PDE4B: variants seen among roughly 807,000 people sequenced by gnomAD.
PDE4B encodes 3',5'-cyclic-AMP phosphodiesterase 4B.
Under a neutral mutation model 82.2 loss-of-function variants are expected in PDE4B, and 20 were observed. The observed-to-expected ratio is 0.24, with a 90% CI of 0.17 to 0.35. The LOEUF (loss-of-function observed/expected upper bound fraction) is 0.35. Ranked by LOEUF, PDE4B falls within the 10% of genes least tolerant of loss-of-function variation. PDE4B has a pLI of 1.00. For synonymous variants in PDE4B, 320 were observed against 318.9 expected, an observed-to-expected ratio of 1.00 and a Z score of -0.04; for missense variants, 655 against 907.2, an observed-to-expected ratio of 0.72 and a Z score of 3.57.
At chr1:65,867,147 T>G (rs1646521211) in intron 1 of PDE4B, among the ~76,000 whole-genome samples, 1 of 152,188 alleles carries the variant, frequency 6.6e-6, no homozygotes, top group South Asian at 2.1e-4. Flanking sequence ...TAGTATTCTC[T>G]TTAGTGTGGA....
At chr1:65,798,856 G>T (rs1645664216) in intron 1 of PDE4B, among the ~76,000 whole-genome samples, 1 of 151,942 alleles carries the variant, frequency 6.6e-6, no homozygotes, top group South Asian at 2.1e-4. Context: ...TACCCTGTCT[G>T]TAGAGTCTAA....
At chr1:66,356,608 G>A (rs1024501419) in intron 9 of PDE4B, among the ~76,000 whole-genome samples, 1 of 152,194 alleles carries the variant, frequency 6.6e-6, no homozygotes, top group Non-Finnish European at 1.5e-5. Flanking sequence ...TTAAATCAAT[G>A]AGCATTTTCC....
rs115131003 is a variant in PDE4B, at chr1:65,933,853, A to G, written c.281+15018A>G. Among the ~76,000 whole-genome samples, 791 of 152,336 alleles carry G rather than the reference A, an allele frequency of 5.2e-3. 5 individuals carry two copies. Among genetic ancestry groups the G allele is most frequent in the African/African-American group, 0.018 (743 of 41,576 alleles). On this transcript the variant is annotated intron_variant, in intron 3 of 16. Coordinates refer to ENST00000341517, the MANE Select transcript of PDE4B (RefSeq NM_002600.4). ...TGCAAACACTGTAACTGTTGGATGA[A>G]TCACTTTTAATTATAAAGTTAAAAG...
chr1:66,168,307 A>G (rs1382803578), intron 3 of PDE4B, among the ~76,000 whole-genome samples: 6 of 152,220 alleles, frequency 3.9e-5, no homozygotes, highest in Admixed American at 2.0e-4. Flanking sequence ...CAGATGATAC[A>G]TATAATAAAT....
chr1:65,957,169 G>A (rs1649303963), intron 3 of PDE4B, among the ~76,000 whole-genome samples: 1 of 150,834 alleles, frequency 6.6e-6, no homozygotes, highest in Non-Finnish European at 1.5e-5. Context: ...CCTCTTTCTG[G>A]TGCTTCTTGG....
chr1:66,071,783 T>C (rs1196533485), intron 3 of PDE4B, among the ~76,000 whole-genome samples: 1 of 152,026 alleles, frequency 6.6e-6, no homozygotes, highest in African/African-American at 2.4e-5. Context: ...CTACGTGTTA[T>C]CGATAACCTT....
Position 66,288,782 on chromosome 1 carries a change from A to G in PDE4B, c.634+22695A>G, listed in dbSNP as rs1045804569. On this transcript the variant is annotated intron_variant, in intron 7 of 16. Coordinates refer to ENST00000341517, the MANE Select transcript of PDE4B (RefSeq NM_002600.4). ...GGCAGTGATAAGGAGTTCACAGAGA[A>G]GGCATATAATCTGCAAAAGCTGGAG... Among the ~76,000 whole-genome samples, 12 of 152,264 alleles carry G rather than the reference A, an allele frequency of 7.9e-5. No homozygotes were observed. The East Asian group carries it at 2.1e-3, about 27-fold the overall frequency.
chr1:66,134,643 C>T (rs1237422251), intron 3 of PDE4B, among the ~76,000 whole-genome samples: 1 of 152,136 alleles, frequency 6.6e-6, no homozygotes, highest in Non-Finnish European at 1.5e-5. Context: ...CTATCTAAGG[C>T]TATTTCCTTA....
At chr1:66,145,738 G>A (rs765476817) in intron 3 of PDE4B, among the ~76,000 whole-genome samples, 21 of 152,152 alleles carry the variant, frequency 1.4e-4, no homozygotes, top group Non-Finnish European at 2.5e-4. Flanking sequence ...TGTCCTTTAA[G>A]AAATGTGGTA....
intron 3 of PDE4B, among the ~76,000 whole-genome samples, chr1:65,962,972 C>T (rs1313610755): frequency 1.3e-5 from 2 of 152,270 alleles, no homozygotes; most frequent in East Asian, 3.9e-4. Flanking sequence ...CAGGAAACAA[C>T]AGCAACAACA....
At chr1:66,078,990 G>A (rs1431551515) in intron 3 of PDE4B, among the ~76,000 whole-genome samples, 1 of 152,076 alleles carries the variant, frequency 6.6e-6, no homozygotes, top group African/African-American at 2.4e-5. Context: ...GGAAATACAT[G>A]TAGATATAAT....
intron 3 of PDE4B, among the ~76,000 whole-genome samples, chr1:65,933,141 A>G (rs888789705): frequency 1.3e-5 from 2 of 152,138 alleles, no homozygotes; most frequent in East Asian, 3.8e-4. Context: ...AGAAACCTAC[A>G]CTGAGATACA....
At chr1:65,849,985 A>G (rs1360232290) in intron 1 of PDE4B, among the ~76,000 whole-genome samples, 1 of 151,944 alleles carries the variant, frequency 6.6e-6, no homozygotes, top group African/African-American at 2.4e-5. Flanking sequence ...TTATGTTTGT[A>G]TGTTTCTATA....
chr1:66,045,117 G>A (rs1340532791), intron 3 of PDE4B, among the ~76,000 whole-genome samples: 1 of 151,764 alleles, frequency 6.6e-6, no homozygotes, highest in African/African-American at 2.4e-5. Flanking sequence ...TCACGAGGTG[G>A]AGCTTACCAG....
At chr1:66,147,701 G>A (rs928094553) in intron 3 of PDE4B, among the ~76,000 whole-genome samples, 1 of 152,188 alleles carries the variant, frequency 6.6e-6, no homozygotes, top group Non-Finnish European at 1.5e-5. Flanking sequence ...TTCCAGTGGG[G>A]CGTTTCTTAG....
chr1:66,049,470 C>A (rs1464025000), intron 3 of PDE4B, among the ~76,000 whole-genome samples: 3 of 151,846 alleles, frequency 2.0e-5, no homozygotes, highest in Non-Finnish European at 4.4e-5. Context: ...GGATGCCTCA[C>A]CAAATAATAG....
At chr1:66,294,517 C>T (rs1225015940) in intron 7 of PDE4B, among the ~76,000 whole-genome samples, 1 of 152,068 alleles carries the variant, frequency 6.6e-6, no homozygotes, top group Admixed American at 6.6e-5. Flanking sequence ...CCCAAATTAG[C>T]CAAATAATTT....
intron 3 of PDE4B, among the ~76,000 whole-genome samples, chr1:65,932,068 C>G (rs959469424): frequency 6.6e-6 from 1 of 152,058 alleles, no homozygotes; most frequent in Admixed American, 6.5e-5. Flanking sequence ...TGGCCAATGC[C>G]CCAGTGTTTC....
chr1:65,955,450 G>GTAA (rs1315308370), intron 3 of PDE4B, among the ~76,000 whole-genome samples: 2 of 152,094 alleles, frequency 1.3e-5, no homozygotes, highest in Non-Finnish European at 1.5e-5. Context: ...AACAACAAAA[G>GTAA]CATAGAAATA....
Sources: allele counts gnomAD v4.1 joint callset (sites outside exome capture counted in the v4.1 genomes callset), GRCh38; gene constraint gnomAD v4.1.1; transcripts MANE v1.5; gene names NCBI Gene and HGNC (gene_info 2026-07-23, HGNC 2026-07-21).